DYNC1I1: variants seen among roughly 807,000 people sequenced by gnomAD.
The protein encoded by DYNC1I1 is dynein cytoplasmic 1 intermediate chain 1.
DYNC1I1 carries 43 observed loss-of-function variants against 86.6 expected under a neutral mutation model. That is an observed-to-expected ratio of 0.50 (90% confidence interval 0.39 to 0.64). DYNC1I1 has a LOEUF of 0.64. Ranked by LOEUF, DYNC1I1 falls within the 30% of genes least tolerant of loss-of-function variation. DYNC1I1 has a pLI of 0.00. For missense variants in DYNC1I1, 604 were observed against 788.8 expected (o/e 0.77, Z 2.81); for synonymous variants, 262 against 283.7 (o/e 0.92, Z 0.77).
intron 15 of DYNC1I1, among the ~76,000 whole-genome samples, chr7:96,078,742 G>GA (rs2116258803): frequency 6.6e-6 from 1 of 152,100 alleles, no homozygotes; most frequent in African/African-American, 2.4e-5. Flanking sequence ...ATTGTTCATG[G>GA]AATTAGGTAA....
chr7:95,953,265 T>A (rs1249166533), intron 6 of DYNC1I1, among the ~76,000 whole-genome samples: 1 of 151,786 alleles, frequency 6.6e-6, no homozygotes, highest in Non-Finnish European at 1.5e-5. Context: ...TCCCAAATTT[T>A]AATTACTGTA....
At chr7:95,808,249 T>C (rs1794747769) in intron 2 of DYNC1I1, among the ~76,000 whole-genome samples, 1 of 152,126 alleles carries the variant, frequency 6.6e-6, no homozygotes, top group African/African-American at 2.4e-5. Context: ...TAGGCTTATA[T>C]TTTCAATAAA....
intron 6 of DYNC1I1, among the ~76,000 whole-genome samples, chr7:95,921,483 A>C (rs1458163332): frequency 6.6e-6 from 1 of 152,160 alleles, no homozygotes; most frequent in Admixed American, 6.5e-5. Context: ...CACAGTTTCC[A>C]TCTTAGTGTT....
chr7:95,848,208 GT>G (rs55696943), intron 5 of DYNC1I1, among the ~76,000 whole-genome samples: 75,810 of 138,674 alleles, frequency 0.55, 20,438 homozygotes, highest in Middle Eastern at 0.64. Flanking sequence ...ACTTACAGTT[GT>G]TTTTTTTTTT....
At chr7:95,836,558 A>G (rs1036217439) in intron 5 of DYNC1I1, among the ~76,000 whole-genome samples, 3 of 151,694 alleles carry the variant, frequency 2.0e-5, no homozygotes, top group Admixed American at 6.6e-5. Context: ...TATCCTGCAC[A>G]GTGTTTTCCA....
chr7:95,978,656 GATGT>G (rs146846083), intron 7 of DYNC1I1, among the ~76,000 whole-genome samples: 5,146 of 152,340 alleles, frequency 0.034, 119 homozygotes, highest in Middle Eastern at 0.054. Context: ...CAGTGTGGCA[GATGT>G]TCAGCACTGG....
chr7:95,955,774 A>T (rs1792695156), intron 6 of DYNC1I1, among the ~76,000 whole-genome samples: 1 of 150,130 alleles, frequency 6.7e-6, no homozygotes, highest in South Asian at 2.1e-4. Context: ...ATGTATAATT[A>T]CTTGACATGA....
At chr7:95,976,944 C>G (rs566898222) in intron 6 of DYNC1I1, among the ~76,000 whole-genome samples, 1 of 152,180 alleles carries the variant, frequency 6.6e-6, no homozygotes, top group African/African-American at 2.4e-5. Context: ...ATGAACTGCT[C>G]TGAATGTGTA....
intron 10 of DYNC1I1, among the ~76,000 whole-genome samples, chr7:96,003,582 G>A (rs1270982113): frequency 6.6e-6 from 1 of 152,126 alleles, no homozygotes; most frequent in East Asian, 1.9e-4. Flanking sequence ...ATAGGCAAGA[G>A]CAGGTTTAAA....
chr7:95,811,263 A>G (rs1794824442), intron 3 of DYNC1I1, among the ~76,000 whole-genome samples: 3 of 152,100 alleles, frequency 2.0e-5, no homozygotes. Flanking sequence ...TTTGTTTTCC[A>G]TACATTTAAG....
Position 95,971,944 on chromosome 7 carries a change from G to A in DYNC1I1, c.491-5568G>A, listed in dbSNP as rs529783930. 3.3e-5 allele frequency among the ~76,000 whole-genome samples: 5 copies of A among 152,250 alleles called. No homozygotes were observed. The South Asian group carries it at 1.0e-3, about 32-fold the overall frequency. Reference sequence around the variant, plus strand: ...GGTCTTCCTGAGGTGGCAGATGGAGGAGCCACAGTCCTCTCATGAAATGTC... The same window carrying A: ...GGTCTTCCTGAGGTGGCAGATGGAGAAGCCACAGTCCTCTCATGAAATGTC... On this transcript the variant is annotated intron_variant, in intron 6 of 16. Coordinates refer to ENST00000447467, the MANE Select transcript of DYNC1I1 (RefSeq NM_001135556.2).
chr7:96,095,697 G>A (rs1790982723), intron 16 of DYNC1I1, among the ~76,000 whole-genome samples: 2 of 152,050 alleles, frequency 1.3e-5, no homozygotes, highest in Non-Finnish European at 2.9e-5. Flanking sequence ...TTGGAAGAAG[G>A]AAAAGAAATA....
intron 6 of DYNC1I1, among the ~76,000 whole-genome samples, chr7:95,916,352 A>G (rs184316048): frequency 9.8e-5 from 15 of 152,350 alleles, no homozygotes; most frequent in Admixed American, 9.8e-4. Flanking sequence ...GTATGTAAGC[A>G]GAGTGTGGAT....
chr7:95,915,370 T>G (rs1417919965), intron 6 of DYNC1I1, among the ~76,000 whole-genome samples: 1 of 152,268 alleles, frequency 6.6e-6, no homozygotes, highest in Non-Finnish European at 1.5e-5. Flanking sequence ...TTGCTGGGAT[T>G]TGAACTTACA....
rs778178901 is a variant in DYNC1I1 at position 96,035,796 on chromosome 7, G to A, written c.1364+44G>A. 2.7e-5 allele frequency: 43 copies of A among 1,598,496 alleles called. No individual in the cohort carries two copies. In the East Asian group the frequency reaches 3.2e-4, roughly 12 times the overall value. On this transcript the variant is annotated intron_variant, in intron 13 of 16. Transcript: ENST00000447467. ...TACTGATGACATGTTCTTCATTTCCGAAAGTCTGTTATCACATTCTGGATT... is the reference window on the plus strand; with the variant it reads ...TACTGATGACATGTTCTTCATTTCCAAAAGTCTGTTATCACATTCTGGATT...
chr7:95,953,750 T>C (rs1025008794), intron 6 of DYNC1I1, among the ~76,000 whole-genome samples: 8 of 152,194 alleles, frequency 5.3e-5, no homozygotes, highest in African/African-American at 9.7e-5. Flanking sequence ...CTCTGCAGTT[T>C]GCCGTTCTTG....
chr7:95,909,251 G>GGGC (rs1791263632), intron 6 of DYNC1I1, among the ~76,000 whole-genome samples: 1 of 110,446 alleles, frequency 9.1e-6, no homozygotes, highest in African/African-American at 3.3e-5. Context: ...GGTGGGGGGG[G>GGGC]GGGGCGGGGC....
chr7:95,918,308 C>T (rs1791520993), intron 6 of DYNC1I1, among the ~76,000 whole-genome samples: 1 of 152,168 alleles, frequency 6.6e-6, no homozygotes. Flanking sequence ...TCTAAGTGTC[C>T]ACTAGTGATC....
At chr7:96,060,849 C>T (rs1789744283) in intron 14 of DYNC1I1, among the ~76,000 whole-genome samples, 1 of 151,678 alleles carries the variant, frequency 6.6e-6, no homozygotes, top group Admixed American at 6.6e-5. Context: ...AACTCAATGA[C>T]GCTTCAGTAA....
Sources: gnomAD v4.1 joint callset for allele counts (sites outside exome capture counted in the v4.1 genomes callset) on GRCh38, gnomAD v4.1.1 for gene constraint, MANE v1.5 for transcripts, NCBI Gene and HGNC (gene_info 2026-07-23, HGNC 2026-07-21) for gene names.